Variants in PTPRT observed in about 807,000 individuals in gnomAD.
PTPRT encodes the protein receptor-type tyrosine-protein phosphatase T.
In PTPRT, 56 loss-of-function variants were observed where a neutral mutation model predicts 176.8. The observed-to-expected ratio is 0.32, with a 90% CI of 0.26 to 0.40. PTPRT has a LOEUF of 0.40. PTPRT is among the 10% of genes least tolerant of loss of function. The pLI is 1.00. For synonymous variants in PTPRT, 783 were observed against 739.0 expected (o/e 1.06, Z -0.96); for missense variants, 1,540 against 1,908.2 (o/e 0.81, Z 3.60).
chr20:42,485,793 C>T (rs2071455428), intron 7 of PTPRT, among the ~76,000 whole-genome samples: 1 of 152,146 alleles, frequency 6.6e-6, no homozygotes, highest in Non-Finnish European at 1.5e-5. Context: ...GAAATGCCTA[C>T]CAAGCTTTTT....
At chr20:42,299,128 G>A (rs575588865) in intron 12 of PTPRT, among the ~76,000 whole-genome samples, 1 of 152,008 alleles carries the variant, frequency 6.6e-6, no homozygotes, top group Admixed American at 6.6e-5. Context: ...TCCAACAGGG[G>A]ATGGTAGAGG....
At chr20:42,856,398 G>A (rs2078563689) in intron 2 of PTPRT, among the ~76,000 whole-genome samples, 1 of 152,158 alleles carries the variant, frequency 6.6e-6, no homozygotes, top group Non-Finnish European at 1.5e-5. Context: ...GTCCCCCACA[G>A]TAGGTTTCAC....
chr20:42,210,624 C>T (rs2055598832), intron 15 of PTPRT, among the ~76,000 whole-genome samples: 1 of 150,378 alleles, frequency 6.6e-6, no homozygotes, highest in Admixed American at 6.6e-5. Flanking sequence ...AACTACAAAC[C>T]ACTGCTCAAG....
At chr20:43,053,163 T>C (rs1987111958) in intron 1 of PTPRT, among the ~76,000 whole-genome samples, 2 of 152,204 alleles carry the variant, frequency 1.3e-5, no homozygotes, top group Admixed American at 1.3e-4. Context: ...CTTAATTCCA[T>C]TTATATGTAT....
chr20:42,325,207 C>G (rs1002658242), intron 11 of PTPRT, among the ~76,000 whole-genome samples: 1 of 152,082 alleles, frequency 6.6e-6, no homozygotes, highest in Non-Finnish European at 1.5e-5. Context: ...ACTGAAATTA[C>G]ATGTCTAGGA....
intron 11 of PTPRT, among the ~76,000 whole-genome samples, chr20:42,325,318 C>T (rs527812151): frequency 1.3e-5 from 2 of 152,228 alleles, no homozygotes; most frequent in South Asian, 2.1e-4. Context: ...CAAAGAGTGG[C>T]TTTGTTTCTT....
intron 7 of PTPRT, among the ~76,000 whole-genome samples, chr20:42,661,832 C>A (rs1007795443): frequency 2.0e-5 from 3 of 152,212 alleles, no homozygotes; most frequent in African/African-American, 7.2e-5. Context: ...CAGGCAGAGT[C>A]TTTTTCTCTG....
At chr20:43,171,098 T>C (rs1435807879) in intron 1 of PTPRT, among the ~76,000 whole-genome samples, 2 of 152,224 alleles carry the variant, frequency 1.3e-5, no homozygotes, top group Admixed American at 6.5e-5. Flanking sequence ...ATGTGTGACA[T>C]ATGTGCAGGT....
intron 2 of PTPRT, among the ~76,000 whole-genome samples, chr20:42,793,133 C>T (rs1162852542): frequency 1.3e-5 from 2 of 152,078 alleles, no homozygotes; most frequent in African/African-American, 4.8e-5. Flanking sequence ...GTGAAAAGCA[C>T]AGAGAAACCT....
At chr20:42,427,202 C>T (rs1238030398) in intron 9 of PTPRT, among the ~76,000 whole-genome samples, 1 of 152,114 alleles carries the variant, frequency 6.6e-6, no homozygotes, top group African/African-American at 2.4e-5. Context: ...CTTTCTGTAA[C>T]AGTCTATTTG....
intron 7 of PTPRT, among the ~76,000 whole-genome samples, chr20:42,552,689 A>C (rs2072790351): frequency 6.6e-6 from 1 of 152,194 alleles, no homozygotes; most frequent in East Asian, 1.9e-4. Context: ...TTTGCCATGC[A>C]TAGAACCAAC....
chr20:42,620,252 C>A (rs1050912259), intron 7 of PTPRT, among the ~76,000 whole-genome samples: 4 of 150,170 alleles, frequency 2.7e-5, no homozygotes, highest in Non-Finnish European at 1.5e-5. Flanking sequence ...TTAGGCTGCT[C>A]GGGGGTCAGG....
chr20:42,650,107 C>A (rs2075002537), intron 7 of PTPRT, among the ~76,000 whole-genome samples: 1 of 152,192 alleles, frequency 6.6e-6, no homozygotes, highest in Admixed American at 6.5e-5. Flanking sequence ...AAAAAATAAT[C>A]CCATCTCAGG....
intron 2 of PTPRT, among the ~76,000 whole-genome samples, chr20:42,834,042 C>T (rs529630609): frequency 7.2e-5 from 11 of 151,866 alleles, no homozygotes; most frequent in Non-Finnish European, 1.3e-4. Context: ...ATATTTTGCT[C>T]TGTAAAAGAT....
At chr20:43,152,880 C>A (rs951493712) in intron 1 of PTPRT, among the ~76,000 whole-genome samples, 6 of 152,160 alleles carry the variant, frequency 3.9e-5, no homozygotes, top group African/African-American at 1.4e-4. Context: ...ACTTGGCATT[C>A]AATTGCAAAA....
At chr20:42,470,922 T>A (rs2071183843) in intron 8 of PTPRT, among the ~76,000 whole-genome samples, 1 of 147,476 alleles carries the variant, frequency 6.8e-6, no homozygotes, top group African/African-American at 2.5e-5. Flanking sequence ...AATGGGGGTA[T>A]GGAGGTGGGG....
chr20:42,230,086 C>T (rs2056103405), intron 15 of PTPRT, among the ~76,000 whole-genome samples: 1 of 152,108 alleles, frequency 6.6e-6, no homozygotes, highest in Non-Finnish European at 1.5e-5. Flanking sequence ...GGCGCCATTC[C>T]CACAGGTGGA....
intron 15 of PTPRT, among the ~76,000 whole-genome samples, chr20:42,218,138 T>A (rs1600691363): frequency 6.6e-6 from 1 of 152,156 alleles, no homozygotes; most frequent in Non-Finnish European, 1.5e-5. Context: ...ACTGGTTCAG[T>A]AAATTATAGT....
chr20:42,163,766 T>G (rs1989709154), intron 16 of PTPRT, among the ~76,000 whole-genome samples: 1 of 152,222 alleles, frequency 6.6e-6, no homozygotes, highest in African/African-American at 2.4e-5. Flanking sequence ...AGGGCAACAC[T>G]GTAACAGATG....
Sources: allele counts gnomAD v4.1 joint callset (sites outside exome capture counted in the v4.1 genomes callset), GRCh38; gene constraint gnomAD v4.1.1; transcripts MANE v1.5; gene names NCBI Gene and HGNC (gene_info 2026-07-23, HGNC 2026-07-21).